ABCB5: variants seen among roughly 807,000 people sequenced by gnomAD.
The protein encoded by ABCB5 is ATP-binding cassette sub-family B member 5.
Under a neutral mutation model 144.2 loss-of-function variants are expected in ABCB5, and 155 were observed. That is an observed-to-expected ratio of 1.08 (90% CI 0.94 to 1.23). ABCB5 has a LOEUF of 1.23. Among genes scored for constraint, ABCB5 ranks in the 50% most tolerant of loss-of-function variants. ABCB5 has a pLI of 0.00. For synonymous variants in ABCB5, 610 were observed against 528.6 expected (o/e 1.15, Z -2.11); for missense variants, 1,830 against 1,520.8 (o/e 1.20, Z -3.38).
chr7:20,684,306 T>C (rs1583423941), intron 15 of ABCB5, among the ~76,000 whole-genome samples: 1 of 152,214 alleles, frequency 6.6e-6, no homozygotes, highest in African/African-American at 2.4e-5. Flanking sequence ...ATATCAAAAC[T>C]TACTGTCATC....
chr7:20,633,679 C>T (rs1196815271), intron 5 of ABCB5, among the ~76,000 whole-genome samples: 4 of 152,060 alleles, frequency 2.6e-5, no homozygotes, highest in African/African-American at 9.7e-5. Flanking sequence ...TAAGTATAGT[C>T]ATAGTTAACT....
At chr7:20,661,534 C>CTCTTTTTTTTTTTTTTTTTT (rs1406657803) in intron 14 of ABCB5, among the ~76,000 whole-genome samples, 6 of 132,380 alleles carry the variant, frequency 4.5e-5, no homozygotes, top group South Asian at 2.3e-4. Context: ...TCTTTCTTTT[C>CTCTTTTTTTTTTTTTTTTTT]TTTTTCTTTT....
At chr7:20,667,968 G>A (rs1194291279) in intron 14 of ABCB5, among the ~76,000 whole-genome samples, 2 of 71,676 alleles carry the variant, frequency 2.8e-5, no homozygotes, top group Admixed American at 1.4e-4. Context: ...CGAGTGATCC[G>A]CCAGCCTCGG....
At chr7:20,636,858 AATG>A (rs1481621869) in intron 5 of ABCB5, among the ~76,000 whole-genome samples, 1 of 151,798 alleles carries the variant, frequency 6.6e-6, no homozygotes, top group African/African-American at 2.4e-5. Context: ...TATAACTATT[AATG>A]TATTCAGTAT....
intron 20 of ABCB5, among the ~76,000 whole-genome samples, chr7:20,717,898 TTTTTTTTTTTTTTTTTTTTTTG>T (rs1781733717): frequency 9.7e-6 from 1 of 103,068 alleles, no homozygotes; most frequent in African/African-American, 4.4e-5. Context: ...TTTTTTTTTT[TTTTTTTTTTTTTTTTTTTTTTG>T]ATACAGAGCC....
chr7:20,742,168 G>A (rs1031357169), intron 24 of ABCB5, among the ~76,000 whole-genome samples: 10 of 151,850 alleles, frequency 6.6e-5, no homozygotes, highest in Middle Eastern at 3.2e-3. Context: ...GAGTCCAGGA[G>A]TTTGGAACCA....
At position 20,655,809 on chromosome 7, in the gene ABCB5, A is replaced by T. The variant is rs189813446; in HGVS notation, c.1537-2697A>T. Among the ~76,000 whole-genome samples the T allele has an allele frequency of 3.0e-3, 459 of 151,930 alleles. 10 individuals are homozygous for T. Among genetic ancestry groups the T allele is most frequent in the Admixed American group, 0.028 (422 of 15,250 alleles). On this transcript the variant is annotated intron_variant, in intron 13 of 27. Transcript: ENST00000404938. Reference sequence around the variant, plus strand: ...TGTATGTGTAGAAACTGACATGTTGATTCCAAAATTTATTTGGAAATTCAA... The same window carrying T: ...TGTATGTGTAGAAACTGACATGTTGTTTCCAAAATTTATTTGGAAATTCAA...
intron 14 of ABCB5, 121 bp from the exon 15 acceptor site, chr7:20,681,384 C>T (rs1785822557): frequency 8.7e-7 from 1 of 1,149,082 alleles, no homozygotes; most frequent in East Asian, 2.6e-5. Flanking sequence ...TCCTCGGCCT[C>T]CCAAAGTGCT....
At chr7:20,663,615 G>T in intron 14 of ABCB5, among the ~76,000 whole-genome samples, 1 of 152,142 alleles carries the variant, frequency 6.6e-6, no homozygotes, top group Middle Eastern at 3.4e-3. Context: ...TGTTTAATGG[G>T]TATACAATTT....
chr7:20,682,809 C>G (rs1267022634), intron 15 of ABCB5, among the ~76,000 whole-genome samples: 1 of 152,160 alleles, frequency 6.6e-6, no homozygotes, highest in African/African-American at 2.4e-5. Context: ...GGCAATCAAG[C>G]TGGGGCATGA....
intron 1 of ABCB5, 82 bp from the exon 2 acceptor site, chr7:20,623,183 T>C (rs1178809530): frequency 2.5e-6 from 2 of 809,694 alleles, no homozygotes; most frequent in African/African-American, 1.8e-5. Context: ...CTGTGAGAGA[T>C]GTGGGATGTA....
At chr7:20,744,769 A>T (rs1782667961) in intron 25 of ABCB5, among the ~76,000 whole-genome samples, 2 of 151,692 alleles carry the variant, frequency 1.3e-5, no homozygotes. Context: ...TAATAATAAT[A>T]AAATTAAAAA....
Position 20,626,648 on chromosome 7 carries a change from G to A in ABCB5, c.108+37G>A, listed in dbSNP as rs779604830. 4 of 1,553,490 alleles carry A rather than the reference G, an allele frequency of 2.6e-6. No individual in the cohort carries two copies. In the South Asian group the frequency reaches 4.8e-5, roughly 19 times the overall value. On this transcript the variant is annotated intron_variant, in intron 3 of 27. Transcript: ENST00000404938. Reference sequence around the variant, plus strand: ...CAGTTAGAAAGTACATGCATTAGAAGATTTTAGAGACTTGTCAGTAGTGCA... The same window carrying A: ...CAGTTAGAAAGTACATGCATTAGAAAATTTTAGAGACTTGTCAGTAGTGCA...
rs1274398124 is a variant in ABCB5, at chr7:20,723,196, C to T, written c.2602C>T (p.Gln868Ter). 3 of 1,613,938 alleles carry T rather than the reference C, an allele frequency of 1.9e-6. No individual in the cohort carries two copies. The highest frequency in any genetic ancestry group is 2.5e-6 in the Non-Finnish European group (3 of 1,180,008). ...GACTGGATTTGCCAACAAAGATAAGCAAGAACTTAAGCATGCTGGAAAGGT... is the reference window on the plus strand; with the variant it reads ...GACTGGATTTGCCAACAAAGATAAGTAAGAACTTAAGCATGCTGGAAAGGT... ...AMTGFANKDK[Q>*]ELKHAGKIAT... Residue 868 changes from glutamine (Q) to a stop codon, truncating the protein, a stop_gained, in exon 21 of 28, where the codon CAA becomes TAA. Coordinates refer to ENST00000404938, the MANE Select transcript of ABCB5 (RefSeq NM_001163941.2). LOFTEE classifies it high-confidence loss of function.
chr7:20,619,048 T>C lies in ABCB5; in HGVS notation c.-22+3211T>C, dbSNP rs181187920. 1.3e-3 allele frequency among the ~76,000 whole-genome samples: 191 copies of C among 152,230 alleles called. 2 individuals carry two copies. The highest frequency in any genetic ancestry group is 4.3e-3 in the African/African-American group (177 of 41,538). ...CTTCGGCCTCCCAAACTGCTGGGAT[T>C]ACAGGCTTGAGCCACCATGCCCAGC... is the stretch of plus-strand genomic sequence containing the variant. On this transcript the variant is annotated intron_variant, in intron 1 of 27. Transcript: ENST00000404938.
At chr7:20,706,126 T>A in intron 20 of ABCB5, among the ~76,000 whole-genome samples, 1 of 152,176 alleles carries the variant, frequency 6.6e-6, no homozygotes, top group Non-Finnish European at 1.5e-5. Flanking sequence ...TTTCACTTAA[T>A]AATCAAATAA....
chr7:20,619,849 T>G (rs1437767368), intron 1 of ABCB5, among the ~76,000 whole-genome samples: 1 of 152,254 alleles, frequency 6.6e-6, no homozygotes, highest in Non-Finnish European at 1.5e-5. Context: ...GAGTTAATTT[T>G]TATCTATGGT....
intron 26 of ABCB5, among the ~76,000 whole-genome samples, chr7:20,746,289 G>A (rs1194103861): frequency 6.6e-6 from 1 of 151,972 alleles, no homozygotes; most frequent in South Asian, 2.1e-4. Context: ...AGTAGAGAAG[G>A]GGTTTCTCCA....
At chr7:20,617,190 T>C (rs939708024) in intron 1 of ABCB5, among the ~76,000 whole-genome samples, 1 of 152,234 alleles carries the variant, frequency 6.6e-6, no homozygotes, top group Admixed American at 6.5e-5. Context: ...ATGTCTAGGC[T>C]GTTCAGTGCT....
Sources: gnomAD v4.1 joint callset for allele counts (sites outside exome capture counted in the v4.1 genomes callset) on GRCh38, gnomAD v4.1.1 for gene constraint, MANE v1.5 for transcripts, NCBI Gene and HGNC (gene_info 2026-07-23, HGNC 2026-07-21) for gene names.